The following SLC39A10 variants were observed in gnomAD, a reference collection of about 807,000 sequenced individuals.
The protein encoded by SLC39A10 is zinc transporter ZIP10.
Under a neutral mutation model 65.1 loss-of-function variants are expected in SLC39A10, and 13 were observed. The ratio of observed to expected loss-of-function variants is 0.20; its 90% CI spans 0.13 to 0.32. The LOEUF (loss-of-function observed/expected upper bound fraction) is 0.32, where lower values mean the gene tolerates loss of function less well. Among genes scored for constraint, SLC39A10 ranks in the 10% least tolerant of loss-of-function variants. The pLI is 1.00. For missense variants in SLC39A10, 831 were observed against 1,018.4 expected, an observed-to-expected ratio of 0.82 and a Z score of 2.50; for synonymous variants, 321 against 342.2, an observed-to-expected ratio of 0.94 and a Z score of 0.68.
intron 1 of SLC39A10, among the ~76,000 whole-genome samples, chr2:195,664,565 CATGTT>C (rs1169656348): frequency 1.3e-5 from 2 of 152,078 alleles, no homozygotes; most frequent in South Asian, 2.1e-4. Context: ...GTGACTGAAT[CATGTT>C]ATGTAAAAGC....
intron 3 of SLC39A10, among the ~76,000 whole-genome samples, chr2:195,704,117 C>T (rs1489567991): frequency 2.0e-5 from 3 of 152,088 alleles, no homozygotes; most frequent in African/African-American, 7.2e-5. Flanking sequence ...TGGCAGTCCC[C>T]ATTCACCTAT....
chr2:195,704,618 G>A (rs571715981), intron 3 of SLC39A10, among the ~76,000 whole-genome samples: 2 of 152,122 alleles, frequency 1.3e-5, no homozygotes, highest in Admixed American at 6.5e-5. Context: ...GTCTATAAAC[G>A]GGACAAACAA....
intron 6 of SLC39A10, 149 bp from the exon 7 acceptor site, chr2:195,716,488 G>T: frequency 1.6e-6 from 1 of 616,866 alleles, no homozygotes; most frequent in Non-Finnish European, 2.6e-6. Flanking sequence ...TTTTCTATTA[G>T]AATGGCTTCT....
At chr2:195,731,269 G>A (rs1437938333) in intron 9 of SLC39A10, among the ~76,000 whole-genome samples, 1 of 152,124 alleles carries the variant, frequency 6.6e-6, no homozygotes, top group Non-Finnish European at 1.5e-5. Flanking sequence ...TTCTGCGTCA[G>A]GGCTGTGGCA....
chr2:195,646,601 A>T (rs1001797577), intron 2 of SLC39A10, among the ~76,000 whole-genome samples: 1 of 152,066 alleles, frequency 6.6e-6, no homozygotes, highest in South Asian at 2.1e-4. Flanking sequence ...TCCTTAGTTC[A>T]GGGGTCCTCA....
chr2:195,642,079 GA>G (rs1228022567), intron 2 of SLC39A10, among the ~76,000 whole-genome samples: 4 of 152,096 alleles, frequency 2.6e-5, no homozygotes, highest in African/African-American at 9.7e-5. Flanking sequence ...GTTTGTCAGC[GA>G]AATTGTTTAA....
At chr2:195,711,824 T>A (rs1272614366) in intron 5 of SLC39A10, among the ~76,000 whole-genome samples, 2 of 152,206 alleles carry the variant, frequency 1.3e-5, no homozygotes, top group Non-Finnish European at 2.9e-5. Context: ...TTAATTTCTA[T>A]ATCCTTCTCA....
chr2:195,659,945 T>C (rs189204883), intron 1 of SLC39A10, among the ~76,000 whole-genome samples: 2 of 152,292 alleles, frequency 1.3e-5, no homozygotes, highest in East Asian at 3.9e-4. Context: ...TTGTTTTTGT[T>C]CTGTTACTTA....
At chr2:195,622,384 A>G (rs1304491356) in intron 2 of SLC39A10, among the ~76,000 whole-genome samples, 1 of 152,118 alleles carries the variant, frequency 6.6e-6, no homozygotes, top group Non-Finnish European at 1.5e-5. Context: ...ATAAATAAAT[A>G]AAAGAGAGAG....
At chr2:195,711,944 A>C (rs1311847696) in intron 5 of SLC39A10, among the ~76,000 whole-genome samples, 2 of 151,450 alleles carry the variant, frequency 1.3e-5, no homozygotes, top group Non-Finnish European at 2.9e-5. Context: ...TTTCCTGTGA[A>C]TGTCTTAACT....
At chr2:195,727,662 A>G (rs1692293556) in intron 8 of SLC39A10, among the ~76,000 whole-genome samples, 1 of 152,206 alleles carries the variant, frequency 6.6e-6, no homozygotes, top group African/African-American at 2.4e-5. Flanking sequence ...TGTTGGTTAC[A>G]AGAAGAGCGG....
In SLC39A10 at chr2:195,663,897, T is replaced by C. The variant is rs183727549; in HGVS notation, c.-12+6616T>C. Among the ~76,000 whole-genome samples the C allele has an allele frequency of 5.2e-3, 796 of 152,036 alleles. 4 individuals are homozygous for C. The highest frequency in any genetic ancestry group is 8.0e-3 in the Non-Finnish European group (546 of 67,966). On this transcript the variant is annotated intron_variant, in intron 1 of 9. Transcript: ENST00000359634. ...GAAGTTTGGGGCATGAATGATCCTG[T>C]CATCCAGGTACTGAGCATGGTGCCC...
chr2:195,681,111 T>A, intron 2 of SLC39A10, 61 bp downstream of exon 2: 2 of 1,487,098 alleles, frequency 1.3e-6, no homozygotes, highest in Non-Finnish European at 1.8e-6. Flanking sequence ...TGGTGCATTT[T>A]AAAAACAGGA....
intron 2 of SLC39A10, among the ~76,000 whole-genome samples, chr2:195,616,821 T>C (rs556717251): frequency 3.1e-4 from 47 of 152,160 alleles, no homozygotes; most frequent in African/African-American, 1.1e-3. Context: ...GCCAGGATGG[T>C]CTCAATCTCC....
chr2:195,728,290 A>G lies in SLC39A10; in HGVS notation c.2278A>G (p.Thr760Ala). The G allele has an allele frequency of 1.9e-6, 3 of 1,614,064 alleles. No homozygotes were observed. The highest frequency in any genetic ancestry group is 2.5e-6 in the Non-Finnish European group (3 of 1,179,922). ...TGTTGGTCAGTATGCCAATAACATC[A>G]CACTTTGGATCTTTGCAGTCACTGC... ...TAVGQYANNI[T>A]LWIFAVTAGM... The change falls in exon 9 of 10, where the codon ACA becomes GCA. Residue 760 changes from threonine to alanine, a missense_variant. Around this residue, in one of 4 missense-constraint regions of SLC39A10, gnomAD observed 120 missense variants for 203.9 expected, o/e 0.59. Coordinates refer to ENST00000359634, the MANE Select transcript of SLC39A10 (RefSeq NM_020342.3). This position sits in a 1 kb window ranked among gnomAD's most constrained non-coding sequence, Gnocchi z 4.4.
intron 9 of SLC39A10, among the ~76,000 whole-genome samples, chr2:195,729,495 C>G (rs1176506969): frequency 1.3e-5 from 2 of 152,196 alleles, no homozygotes; most frequent in Non-Finnish European, 2.9e-5. Context: ...AAGTTCTCAT[C>G]ATCACTTCTG....
intron 2 of SLC39A10, among the ~76,000 whole-genome samples, chr2:195,635,823 C>T (rs1183616985): frequency 6.7e-6 from 1 of 150,272 alleles, no homozygotes; most frequent in Non-Finnish European, 1.5e-5. Context: ...TCAAGGAAAA[C>T]AAAAGGCAGA....
chr2:195,732,737 G>T (rs1385844319), intron 9 of SLC39A10, among the ~76,000 whole-genome samples: 1 of 152,214 alleles, frequency 6.6e-6, no homozygotes, highest in Non-Finnish European at 1.5e-5. Flanking sequence ...GGGCCAGATA[G>T]TAGATGGTTT....
chr2:195,727,174 G>A (rs1692273297), intron 8 of SLC39A10, among the ~76,000 whole-genome samples: 1 of 151,918 alleles, frequency 6.6e-6, no homozygotes, highest in Non-Finnish European at 1.5e-5. Flanking sequence ...AATAAGAAAA[G>A]TGCCTTTCTT....
Sources: gnomAD v4.1 joint callset for allele counts (sites outside exome capture counted in the v4.1 genomes callset) on GRCh38, gnomAD v4.1.1 for gene constraint, gnomAD v4.1.1 regional missense constraint, Gnocchi (gnomAD v3.1) non-coding constraint, MANE v1.5 for transcripts, NCBI Gene and HGNC (gene_info 2026-07-23, HGNC 2026-07-21) for gene names.